CACNA1S: variants seen among roughly 807,000 people sequenced by gnomAD.
CACNA1S encodes calcium voltage-gated channel subunit alpha1 S, also known as voltage-dependent L-type calcium channel subunit alpha-1S.
A neutral mutation model predicts 207.4 loss-of-function variants in CACNA1S; 126 were observed. The ratio of observed to expected loss-of-function variants is 0.61; its 90% CI spans 0.53 to 0.70. CACNA1S has a LOEUF of 0.70. CACNA1S is among the 30% of genes least tolerant of loss of function. The pLI is 0.00. For synonymous variants in CACNA1S, 960 were observed against 932.7 expected, an observed-to-expected ratio of 1.03 and a Z score of -0.53; for missense variants, 2,349 against 2,422.8, an observed-to-expected ratio of 0.97 and a Z score of 0.64.
chr1:201,106,828 T>C (rs1662912107), intron 2 of CACNA1S, among the ~76,000 whole-genome samples: 1 of 152,156 alleles, frequency 6.6e-6, no homozygotes, highest in Admixed American at 6.5e-5. Context: ...CCCAAGGGTG[T>C]TGCAATCTCT....
At position 201,066,590 on chromosome 1, in the gene CACNA1S, G is replaced by A. The variant is rs1291740297; in HGVS notation, c.2658-274C>T. Among the ~76,000 whole-genome samples the A allele has an allele frequency of 6.6e-6, 1 of 152,226 alleles. No homozygotes were observed. Among genetic ancestry groups the A allele is most frequent in the Non-Finnish European group, 1.5e-5 (1 of 68,028 alleles). On this transcript the variant is annotated intron_variant, in intron 20 of 43. Transcript: ENST00000362061. This position sits in a 1 kb window ranked among gnomAD's most constrained non-coding sequence, Gnocchi z 4.3. Reference sequence around the variant, plus strand: ...GCTAGAAGCTCCGTCCCTCCCGTCAGACGGTGAGCACCCCAAAGGCAGGGG... The same window carrying A: ...GCTAGAAGCTCCGTCCCTCCCGTCAAACGGTGAGCACCCCAAAGGCAGGGG...
At position 201,072,643 on chromosome 1, in the gene CACNA1S, G is replaced by A. The variant is rs1661465363; in HGVS notation, c.2227+112C>T. 3 of 803,836 alleles carry A rather than the reference G, an allele frequency of 3.7e-6. No homozygotes were observed. The South Asian group carries it at 4.0e-5, about 11-fold the overall frequency. The allele number at this position is 803,836 out of a possible 1,614,324, so 49.8% of individuals were successfully genotyped here. ...GTCTCCGGTGTTCTGATCTCCACAT[G>A]GAGGGGTACAGGTAGGGACACACAA... On this transcript the variant is annotated intron_variant, in intron 16 of 43. Transcript: ENST00000362061.
At position 201,052,570 on chromosome 1, in the gene CACNA1S, G is replaced by A. The variant is rs1487460909; in HGVS notation, c.3940C>T (p.Leu1314=). 3 of 1,613,516 alleles carry A rather than the reference G, an allele frequency of 1.9e-6. No homozygotes were observed. The highest frequency in any genetic ancestry group is 2.5e-6 in the Non-Finnish European group (3 of 1,179,502). ...GGAGACGCGTGCCTGAAGAGCAGTA[G>A]CACAGCTTGTGGGAAGGTCTGGAAG... ...NNFQTFPQAV[L]LLFRCATGEA... is the part of the protein sequence containing the mutation. The change falls in exon 32 of 44, where the codon CTA becomes TTA. Residue 1314 remains leucine (L), a synonymous_variant. Transcript: ENST00000362061.
At chr1:201,110,293 C>G in intron 1 of CACNA1S, 24 bp from the exon 2 acceptor site, 1 of 1,606,340 alleles carries the variant, frequency 6.2e-7, no homozygotes, top group Non-Finnish European at 8.5e-7. Flanking sequence ...TAAGGAGAGC[C>G]CTCGAGTGAG....
chr1:201,052,683 A>G, intron 31 of CACNA1S, 35 bp from the exon 32 acceptor site: 1 of 1,529,064 alleles, frequency 6.5e-7, no homozygotes, highest in Non-Finnish European at 9.1e-7. Context: ...TGTGGAACCT[A>G]GATTAAAGTG....
Position 201,043,484 on chromosome 1 carries a change from G to A in CACNA1S, c.4845C>T (p.Thr1615=). 1.9e-6 allele frequency: 3 copies of A among 1,614,022 alleles called. No homozygotes were observed. The South Asian group carries it at 3.3e-5, about 18-fold the overall frequency. Residue 1615 remains threonine (T), a synonymous_variant, in exon 40 of 44, where the codon ACC becomes ACT. Transcript: ENST00000362061. ...FGQVDNFLER[T]NSLPPVMANQ... is the part of the protein sequence containing the mutation. ...TGGCCATGACGGGGGGCAGGGAGTT[G>A]GTCCTTTCCAGGAAGTTGTCCACCT... is the stretch of plus-strand genomic sequence containing the variant.
rs189742140 is a variant in CACNA1S at position 201,103,080 on chromosome 1, C to T, written c.258+7084G>A. On this transcript the variant is annotated intron_variant, in intron 2 of 43. Coordinates refer to ENST00000362061, the MANE Select transcript of CACNA1S (RefSeq NM_000069.3). ...CCAACATGGTGAAACCCTGTCTCTA[C>T]TAAAAACAAAAAAAAATTAGCCAGG... Among the ~76,000 whole-genome samples the T allele has an allele frequency of 4.5e-4, 69 of 151,862 alleles. No homozygotes were observed. In the East Asian group the frequency reaches 9.1e-3, roughly 20 times the overall value.
Position 201,053,271 on chromosome 1 carries a change from G to C in CACNA1S, c.3799C>G (p.Leu1267Val). The C allele has an allele frequency of 1.2e-6, 2 of 1,614,196 alleles. No homozygotes were observed. The highest frequency in any genetic ancestry group is 1.6e-4 in the Middle Eastern group (1 of 6,062). ...ACGATGAGCAGAGCCACGTAGGGTA[G>C]GGCCTGCAGGGCGGGCGGGAGCGCC... ...LWTFIKSFQA[L>V]PYVALLIVML... Residue 1267 changes from leucine (L) to valine (V), a missense_variant, in exon 31 of 44, where the codon CTA becomes GTA. Leu to Val is a conservative substitution (Grantham distance 32, BLOSUM62 1). Transcript: ENST00000362061. This position sits in a 1 kb window ranked among gnomAD's most constrained non-coding sequence, Gnocchi z 5.1.
chr1:201,084,036 G>C (rs949472531), intron 9 of CACNA1S, among the ~76,000 whole-genome samples: 1 of 152,080 alleles, frequency 6.6e-6, no homozygotes, highest in African/African-American at 2.4e-5. Context: ...TTCATCCTGT[G>C]GAATGTTTTA....
At chr1:201,061,607 TA>T in intron 24 of CACNA1S, 139 bp from the exon 25 acceptor site, 3 of 824,222 alleles carry the variant, frequency 3.6e-6, no homozygotes, top group Non-Finnish European at 5.7e-6. Context: ...GGACAGGAGT[TA>T]GGTCGGCGCC....
Position 201,078,112 on chromosome 1 carries a change from G to T in CACNA1S, c.1394-8C>A, listed in dbSNP as rs375250339. ...GCACCCGGTTGGCAATGTCTGTAGG[G>T]TTGGTGGCACAGCCCCGGCATCACT... On this transcript the variant is annotated splice_region_variant and splice_polypyrimidine_tract_variant and intron_variant, in intron 10 of 43. Coordinates refer to ENST00000362061, the MANE Select transcript of CACNA1S (RefSeq NM_000069.3). 35 of 1,606,832 alleles carry T rather than the reference G, an allele frequency of 2.2e-5. No homozygotes were observed. The highest frequency in any genetic ancestry group is 1.6e-4 in the Middle Eastern group (1 of 6,072).
chr1:201,039,903 G>A lies in CACNA1S; in HGVS notation c.5550C>T (p.Asn1850=), dbSNP rs141556780. Residue 1850 remains asparagine (N), a synonymous_variant, in exon 44 of 44, where the codon AAC becomes AAT. Transcript: ENST00000362061. ...EGMASSLGCL[N]LGSSLGSLDQ... is the part of the protein sequence containing the mutation. ...CGAGGCTGCCCAGGGAGGACCCGAG[G>A]TTCAGGCATCCCAGGGAGCTGGCCA... 46 of 1,613,668 alleles carry A rather than the reference G, an allele frequency of 2.9e-5. No individual in the cohort carries two copies. Among genetic ancestry groups the A allele is most frequent in the Non-Finnish European group, 3.8e-5 (45 of 1,180,034 alleles).
chr1:201,108,516 G>T (rs1662983139), intron 2 of CACNA1S, among the ~76,000 whole-genome samples: 1 of 152,172 alleles, frequency 6.6e-6, no homozygotes, highest in Non-Finnish European at 1.5e-5. Flanking sequence ...GGTAGACCTA[G>T]AGCTCTCCCT....
At chr1:201,051,166 G>C in intron 32 of CACNA1S, 23 bp from the exon 33 acceptor site, 1 of 1,613,992 alleles carries the variant, frequency 6.2e-7, no homozygotes, top group Non-Finnish European at 8.5e-7. Flanking sequence ...AGAGGCTCCT[G>C]TCACCTATCT....
Position 201,039,577 on chromosome 1 carries a change from G to A in CACNA1S, c.*254C>T. 1.7e-6 allele frequency: 1 copy of A among 579,698 alleles called. No homozygotes were observed. The highest frequency in any genetic ancestry group is 3.0e-5 in the Admixed American group (1 of 33,276). The allele number at this position is 579,698 out of a possible 1,614,324, so 35.9% of individuals were successfully genotyped here. A position where few individuals can be genotyped will look rare whatever the true frequency, so the allele number is the denominator to read the frequency against. ...GTGGGAGTGGCCCTAGGCCAGACAG[G>A]CACTGACCAGGCCTTTTTGAATGAC... On this transcript the variant is annotated 3_prime_UTR_variant, in exon 44 of 44. Transcript: ENST00000362061.
intron 43 of CACNA1S, 40 bp downstream of exon 43, chr1:201,040,191 A>G (rs1660087136): frequency 6.2e-7 from 1 of 1,612,338 alleles, no homozygotes; most frequent in South Asian, 1.1e-5. Context: ...CAGGGCCACC[A>G]CTCAATGCAG....
chr1:201,062,014 A>G lies in CACNA1S; in HGVS notation c.2983T>C (p.Phe995Leu), dbSNP rs754568756. 6.2e-7 allele frequency: 1 copy of G among 1,614,196 alleles called. No homozygotes were observed. The highest frequency in any genetic ancestry group is 2.2e-5 in the East Asian group (1 of 44,890). Residue 995 changes from phenylalanine to leucine, a missense_variant, in exon 24 of 44, where the codon TTC becomes CTC. Coordinates refer to ENST00000362061, the MANE Select transcript of CACNA1S (RefSeq NM_000069.3). ...GCTGAGAGCACATTGTCGAAGTGGAAGTCGCTGTGTACCCACTCGCGGTGA... is the reference window on the plus strand; with the variant it reads ...GCTGAGAGCACATTGTCGAAGTGGAGGTCGCTGTGTACCCACTCGCGGTGA... ...LRHREWVHSD[F>L]HFDNVLSAMM...
intron 19 of CACNA1S, among the ~76,000 whole-genome samples, chr1:201,068,038 C>T (rs1661310002): frequency 6.6e-6 from 1 of 152,038 alleles, no homozygotes; most frequent in South Asian, 2.1e-4. Flanking sequence ...GAACCCCGTG[C>T]ATCTGTGTTG....
rs116309539 is a variant in CACNA1S at position 201,044,259 on chromosome 1, C to T, written c.4797+69G>A. On this transcript the variant is annotated intron_variant, in intron 39 of 43. Transcript: ENST00000362061. ...CCTCTCGTGTGGCTGGGCTCCCAGCCCTCCTCTCTGTGAGACACTGCCACT... is the reference window on the plus strand; with the variant it reads ...CCTCTCGTGTGGCTGGGCTCCCAGCTCTCCTCTCTGTGAGACACTGCCACT... 7.2e-3 allele frequency: 11,464 copies of T among 1,600,482 alleles called. 57 individuals carry two copies. Among genetic ancestry groups the T allele is most frequent in the Non-Finnish European group, 8.5e-3 (10,004 of 1,171,398 alleles).
Sources: gnomAD v4.1 joint callset for allele counts (sites outside exome capture counted in the v4.1 genomes callset) on GRCh38, gnomAD v4.1.1 for gene constraint, Gnocchi (gnomAD v3.1) non-coding constraint, MANE v1.5 for transcripts, NCBI Gene and HGNC (gene_info 2026-07-23, HGNC 2026-07-21) for gene names.